ADGRG3: variants seen among roughly 807,000 people sequenced by gnomAD.
The protein encoded by ADGRG3 is G protein-coupled receptor 97.
ADGRG3 carries 39 observed loss-of-function variants against 54.3 expected under a neutral mutation model. The observed-to-expected ratio is 0.72, with a 90% CI of 0.56 to 0.94. The LOEUF (loss-of-function observed/expected upper bound fraction) is 0.94. Ranked by LOEUF, ADGRG3 falls within the 40% of genes least tolerant of loss-of-function variation. The probability of loss-of-function intolerance (pLI) is 0.00; values close to 1 mark genes in which losing one functional copy is unlikely to be tolerated. For synonymous variants in ADGRG3, 312 were observed against 290.0 expected (o/e 1.08, Z -0.77); for missense variants, 654 against 694.6 (o/e 0.94, Z 0.66).
chr16:57,684,248 G>T, intron 9 of ADGRG3, 36 bp downstream of exon 9: 1 of 1,596,660 alleles, frequency 6.3e-7, no homozygotes. Flanking sequence ...TAAACGGCCG[G>T]CCCTGAGGGT....
intron 1 of ADGRG3, among the ~76,000 whole-genome samples, chr16:57,672,414 T>A (rs142235615): frequency 6.6e-6 from 1 of 152,230 alleles, no homozygotes; most frequent in African/African-American, 2.4e-5. Context: ...AATACTTGCA[T>A]ATGCATACCT....
intron 1 of ADGRG3, 43 bp downstream of exon 1, chr16:57,668,448 A>G (rs768504892): frequency 2.0e-6 from 3 of 1,507,856 alleles, no homozygotes; most frequent in Non-Finnish European, 2.7e-6. Context: ...CGCTGGGCCG[A>G]CCCTGCCCTG....
intron 3 of ADGRG3, 145 bp from the exon 4 acceptor site, chr16:57,678,024 GC>G: frequency 2.2e-6 from 2 of 897,670 alleles, no homozygotes; most frequent in Non-Finnish European, 3.5e-6. Context: ...CTTGCACTGT[GC>G]CCCAGGTGTC....
chr16:57,688,702 G>A lies in ADGRG3; in HGVS notation c.*241G>A, dbSNP rs1021611916. 1.5e-5 allele frequency: 7 copies of A among 480,812 alleles called. No individual in the cohort carries two copies. The highest frequency in any genetic ancestry group is 2.6e-5 in the Non-Finnish European group (7 of 264,200). The allele number at this position is 480,812 out of a possible 1,614,324, so 29.8% of individuals were successfully genotyped here. A position where few individuals can be genotyped will look rare whatever the true frequency, so the allele number is the denominator to read the frequency against. ...AGTTCCTATAGTCCTGAGACCCCCT[G>A]CCAGCAAAGAGTGACAGTCACCTCC... On this transcript the variant is annotated 3_prime_UTR_variant, in exon 12 of 12. Transcript: ENST00000333493.
chr16:57,688,595 T>C lies in ADGRG3; in HGVS notation c.*134T>C. 1 of 676,684 alleles carries C rather than the reference T, an allele frequency of 1.5e-6. No individual in the cohort carries two copies. Among genetic ancestry groups the C allele is most frequent in the South Asian group, 1.6e-5 (1 of 61,904 alleles). 41.9% of individuals were successfully genotyped at this position (676,684 alleles called of 1,614,324 possible). ...TGGGGAGGGAGAGGATGGGACCAGG[T>C]TGGACCACGTGGCATCAGAGGTCCC... On this transcript the variant is annotated 3_prime_UTR_variant, in exon 12 of 12. Transcript: ENST00000333493.
At chr16:57,673,723 C>T (rs1365243250) in intron 2 of ADGRG3, among the ~76,000 whole-genome samples, 1 of 152,066 alleles carries the variant, frequency 6.6e-6, no homozygotes, top group Non-Finnish European at 1.5e-5. Flanking sequence ...CAGACACAGA[C>T]CCAAATAATG....
rs768829905 is a variant in ADGRG3 at position 57,688,439 on chromosome 16, C to G, written c.1628C>G (p.Ala543Gly). ...TCCTCTACTGCAAGATTGGACCAGGCCCACTCCGCATCTCAAGAATAGGAA... is the reference window on the plus strand; with the variant it reads ...TCCTCTACTGCAAGATTGGACCAGGGCCACTCCGCATCTCAAGAATAGGAA... ...VSSSTARLDQ[A>G]HSASQE The change falls in exon 12 of 12, where the codon GCC becomes GGC. Residue 543 changes from alanine (A) to glycine (G), a missense_variant. Physicochemically the swap from Ala to Gly is moderately conservative, Grantham distance 60. Transcript: ENST00000333493. 6.2e-7 allele frequency: 1 copy of G among 1,606,688 alleles called. No individual in the cohort carries two copies. The highest frequency in any genetic ancestry group is 1.3e-5 in the African/African-American group (1 of 74,856).
chr16:57,667,619 C>G (rs893743403), upstream of ADGRG3, among the ~76,000 whole-genome samples: 3 of 152,246 alleles, frequency 2.0e-5, no homozygotes, highest in African/African-American at 7.2e-5. Flanking sequence ...GGTCACCCGG[C>G]CAGGAAGTGG....
intron 8 of ADGRG3, among the ~76,000 whole-genome samples, chr16:57,682,312 G>A (rs1444450620): frequency 6.6e-6 from 1 of 152,160 alleles, no homozygotes; most frequent in East Asian, 1.9e-4. Context: ...CCTGGGGGTG[G>A]CCTAAAGCAG....
In ADGRG3 at chr16:57,685,906, C is replaced by T; in HGVS notation, c.1520C>T (p.Ala507Val). The change falls in exon 11 of 12, where the codon GCA (alanine) becomes GTA (valine). Residue 507 changes from alanine to valine, a missense_variant. Ala to Val is a moderately conservative substitution (Grantham distance 64). Transcript: ENST00000333493. The stretch of plus-strand genomic sequence containing the variant: ...GGCCTCTCCACCGTCTACATCTTTG[C>T]ACTTTTCAACTCCTTGCAAGGTGAG... ...PLGLSTVYIFALFNSLQGVFI... is the reference protein window; with the variant it reads ...PLGLSTVYIFVLFNSLQGVFI... 1.9e-6 allele frequency: 3 copies of T among 1,614,090 alleles called. No homozygotes were observed. The highest frequency in any genetic ancestry group is 2.2e-5 in the South Asian group (2 of 91,082).
Position 57,684,413 on chromosome 16 carries a change from G to A in ADGRG3, c.1186G>A (p.Gly396Ser), listed in dbSNP as rs76688596. 4.6e-3 allele frequency: 7,356 copies of A among 1,613,816 alleles called. 212 individuals are homozygous for A. The African/African-American group carries it at 0.077, about 17-fold the overall frequency. Residue 396 changes from glycine to serine, a missense_variant, in exon 10 of 12, where the codon GGC becomes AGC. Gly to Ser is a moderately conservative substitution (Grantham distance 56). Transcript: ENST00000333493. ...GWGLPALMVI[G>S]TGSANSYGLY... is the part of the protein sequence containing the mutation. ...AGGCCTGCCCGCCCTGATGGTCATC[G>A]GCACTGGGAGTGCCAACAGCTACGG... is the stretch of plus-strand genomic sequence containing the variant.
Position 57,679,328 on chromosome 16 carries a change from G to A in ADGRG3, c.627+17G>A. The stretch of plus-strand genomic sequence containing the variant: ...CCGCCCCCTGTGAGTCCCCTGCTCA[G>A]GCCTGGCAGCCACTGCAGGGCAGAC... On this transcript the variant is annotated intron_variant, in intron 5 of 11. Coordinates refer to ENST00000333493, the MANE Select transcript of ADGRG3 (RefSeq NM_170776.5). 6.2e-7 allele frequency: 1 copy of A among 1,613,292 alleles called. No homozygotes were observed. Among genetic ancestry groups the A allele is most frequent in the Non-Finnish European group, 8.5e-7 (1 of 1,179,802 alleles).
chr16:57,685,725 A>G lies in ADGRG3; in HGVS notation c.1339A>G (p.Met447Val), dbSNP rs373107897. Residue 447 changes from methionine to valine, a missense_variant, in exon 11 of 12, where the codon ATG becomes GTG. Met to Val is a conservative substitution (Grantham distance 21). Transcript: ENST00000333493. ...GYFLITFLFG[M>V]VVLALVVWKI... ...CTTCCTCATCACCTTCCTCTTTGGC[A>G]TGGTGGTCCTGGCCCTGGTGGTCTG... 4.0e-5 allele frequency: 65 copies of G among 1,613,990 alleles called. No homozygotes were observed. The highest frequency in any genetic ancestry group is 5.3e-5 in the Non-Finnish European group (63 of 1,180,014).
intron 8 of ADGRG3, among the ~76,000 whole-genome samples, chr16:57,683,509 C>T (rs1352345518): frequency 6.6e-6 from 1 of 152,212 alleles, no homozygotes; most frequent in African/African-American, 2.4e-5. Context: ...TTTTATGTCA[C>T]TTTTGTCTTG....
chr16:57,681,381 CGT>C (rs1259464391), intron 8 of ADGRG3, among the ~76,000 whole-genome samples: 3,321 of 90,834 alleles, frequency 0.037, 120 homozygotes, highest in African/African-American at 0.14. Flanking sequence ...TGTGTGCGCG[CGT>C]GCGTGCGCGC....
At chr16:57,666,652 G>A (rs989623629), upstream of ADGRG3, among the ~76,000 whole-genome samples, 1 of 152,168 alleles carries the variant, frequency 6.6e-6, no homozygotes, top group Non-Finnish European at 1.5e-5. Flanking sequence ...GGGTTGGGGG[G>A]GGTCTCAGGG....
chr16:57,676,239 T>C lies in ADGRG3; in HGVS notation c.246T>C (p.Gly82=), dbSNP rs761752857. 1 of 1,613,986 alleles carries C rather than the reference T, an allele frequency of 6.2e-7. No homozygotes were observed. ...LNYEAHLMKE[G]LTQKVNTPFL... Reference sequence around the variant, plus strand: ...ACGAGGCCCATCTGATGAAGGAAGGTTTGACGCAGAAGGTGAACACGCCTT... The same window carrying C: ...ACGAGGCCCATCTGATGAAGGAAGGCTTGACGCAGAAGGTGAACACGCCTT... The change falls in exon 3 of 12, where the codon GGT becomes GGC. Residue 82 remains glycine, a synonymous_variant. Transcript: ENST00000333493.
chr16:57,672,085 T>C (rs1157895379), intron 1 of ADGRG3, among the ~76,000 whole-genome samples: 1 of 151,906 alleles, frequency 6.6e-6, no homozygotes, highest in African/African-American at 2.4e-5. Context: ...GAGGCTGAGG[T>C]TGGAGGATCG....
chr16:57,673,257 T>C, intron 1 of ADGRG3, 64 bp from the exon 2 acceptor site: 1 of 1,517,430 alleles, frequency 6.6e-7, no homozygotes, highest in Non-Finnish European at 9.0e-7. Flanking sequence ...CTCCTTTCCC[T>C]GCTCCTCATC....
Sources: gnomAD v4.1 joint callset for allele counts (sites outside exome capture counted in the v4.1 genomes callset) on GRCh38, gnomAD v4.1.1 for gene constraint, MANE v1.5 for transcripts, NCBI Gene and HGNC (gene_info 2026-07-23, HGNC 2026-07-21) for gene names.